PTBP2: variants seen among roughly 807,000 people sequenced by gnomAD.
The protein encoded by PTBP2 is polypyrimidine tract-binding protein 2.
Under a neutral mutation model 61.4 loss-of-function variants are expected in PTBP2, and 13 were observed. That is an observed-to-expected ratio of 0.21 (90% CI 0.14 to 0.34). PTBP2 has a LOEUF of 0.34. PTBP2 is among the 10% of genes least tolerant of loss of function. The pLI, the probability that PTBP2 is intolerant of heterozygous loss-of-function variation, is 1.00. For missense variants in PTBP2, 405 were observed against 642.6 expected, an observed-to-expected ratio of 0.63 and a Z score of 4.00; for synonymous variants, 215 against 218.5, an observed-to-expected ratio of 0.98 and a Z score of 0.14.
chr1:96,763,385 G>A (rs897089965), intron 3 of PTBP2, among the ~76,000 whole-genome samples: 2 of 152,164 alleles, frequency 1.3e-5, no homozygotes, highest in South Asian at 2.1e-4. Flanking sequence ...AGACCAGCCC[G>A]GCCAACACAG....
At chr1:96,725,071 C>T (rs971031915) in intron 2 of PTBP2, among the ~76,000 whole-genome samples, 4 of 152,112 alleles carry the variant, frequency 2.6e-5, no homozygotes, top group Non-Finnish European at 5.9e-5. Flanking sequence ...TTGAGTTAGT[C>T]ATGGGATTTA....
At chr1:96,749,943 A>G (rs1041392250) in intron 2 of PTBP2, among the ~76,000 whole-genome samples, 4 of 152,174 alleles carry the variant, frequency 2.6e-5, no homozygotes, top group Admixed American at 2.6e-4. Context: ...TTCTTAATAC[A>G]GTATTTTCTA....
intron 3 of PTBP2, among the ~76,000 whole-genome samples, chr1:96,754,521 G>A (rs1654937314): frequency 6.6e-6 from 1 of 152,102 alleles, no homozygotes; most frequent in Admixed American, 6.5e-5. Flanking sequence ...AAAATTCTAA[G>A]TGTAATCTCA....
chr1:96,773,149 G>GAA (rs1557737175), intron 5 of PTBP2, among the ~76,000 whole-genome samples: 5 of 139,964 alleles, frequency 3.6e-5, no homozygotes, highest in African/African-American at 1.3e-4. Context: ...AAAAAAAAGA[G>GAA]TAAAGCTGAG....
intron 8 of PTBP2, among the ~76,000 whole-genome samples, chr1:96,791,842 T>TTTTG (rs2101106216): frequency 7.1e-6 from 1 of 140,210 alleles, no homozygotes; most frequent in African/African-American, 2.7e-5. Context: ...TTTTTTTTTT[T>TTTTG]TTTTTTTGAG....
intron 3 of PTBP2, among the ~76,000 whole-genome samples, chr1:96,764,426 T>C (rs1656416852): frequency 6.6e-6 from 1 of 152,216 alleles, no homozygotes; most frequent in African/African-American, 2.4e-5. Context: ...TACAGTCTCT[T>C]TAATTTTCTA....
At chr1:96,819,700 T>A (rs1662615906), downstream of PTBP2, 1 of 151,542 alleles carries the variant, frequency 6.6e-6, no homozygotes, top group Non-Finnish European at 1.5e-5. Flanking sequence ...TGGGTTTTTT[T>A]TTTATTATTA....
intron 2 of PTBP2, among the ~76,000 whole-genome samples, chr1:96,737,136 C>T (rs1365172351): frequency 6.6e-6 from 1 of 152,002 alleles, no homozygotes; most frequent in East Asian, 1.9e-4. Flanking sequence ...CCTGCCACCA[C>T]ACCCGGCTAA....
intron 7 of PTBP2, among the ~76,000 whole-genome samples, chr1:96,782,838 A>C (rs1049624866): frequency 1.3e-5 from 2 of 152,010 alleles, no homozygotes; most frequent in Non-Finnish European, 2.9e-5. Context: ...GTCCATATGC[A>C]GTGTTTCATT....
chr1:96,721,979 G>A (rs1176409349), intron 1 of PTBP2, 107 bp downstream of exon 1: 7 of 1,457,616 alleles, frequency 4.8e-6, no homozygotes, highest in Non-Finnish European at 6.6e-6. Context: ...TCCCAGGGCT[G>A]GGCTGCCGTT....
At chr1:96,784,752 G>A (rs1659040927) in intron 7 of PTBP2, among the ~76,000 whole-genome samples, 1 of 151,968 alleles carries the variant, frequency 6.6e-6, no homozygotes, top group Admixed American at 6.5e-5. Flanking sequence ...CTTCCTGTTT[G>A]TGATCCTTAT....
chr1:96,725,588 T>TA lies in PTBP2; in HGVS notation c.39+2003dup, dbSNP rs201028366. On this transcript the variant is annotated intron_variant, in intron 2 of 13. Coordinates refer to ENST00000674951, the MANE Select transcript of PTBP2 (RefSeq NM_021190.4). ...TTGAGGAGAACACTTTAGAAGATGA[T>TA]AAAAAAAAATTGCAAATCGTTTTTA... is the stretch of plus-strand genomic sequence containing the variant. Among the ~76,000 whole-genome samples the TA allele has an allele frequency of 8.6e-5, 13 of 151,516 alleles. 1 individual carries two copies. The highest frequency in any genetic ancestry group is 3.4e-3 in the Middle Eastern group (1 of 294).
intron 2 of PTBP2, among the ~76,000 whole-genome samples, chr1:96,748,934 G>T (rs1043223905): frequency 6.6e-6 from 1 of 152,044 alleles, no homozygotes; most frequent in Non-Finnish European, 1.5e-5. Context: ...AGGCATAATT[G>T]CTTTTTTCAA....
intron 8 of PTBP2, among the ~76,000 whole-genome samples, chr1:96,799,293 G>GTTTTTTTTTTTTTTTTTTTTTTTTTTT (rs1557768004): frequency 1.1e-5 from 1 of 88,290 alleles, no homozygotes; most frequent in Non-Finnish European, 2.1e-5. Flanking sequence ...AATAGATCAA[G>GTTTTTTTTTTTTTTTTTTTTTTTTTTT]CTTTTTTTTT....
chr1:96,779,711 A>C (rs1054161884), intron 7 of PTBP2, among the ~76,000 whole-genome samples: 6 of 152,082 alleles, frequency 3.9e-5, no homozygotes, highest in Admixed American at 2.6e-4. Flanking sequence ...CTCACACTTC[A>C]CTTATTACAG....
At chr1:96,788,051 T>G (rs973176426) in intron 8 of PTBP2, among the ~76,000 whole-genome samples, 1 of 152,160 alleles carries the variant, frequency 6.6e-6, no homozygotes, top group Non-Finnish European at 1.5e-5. Flanking sequence ...CTTTTTCCCC[T>G]GCCAGCATAC....
intron 3 of PTBP2, among the ~76,000 whole-genome samples, chr1:96,760,440 CTTTT>C (rs989047792): frequency 2.4e-5 from 2 of 83,084 alleles, no homozygotes; most frequent in African/African-American, 5.4e-5. Flanking sequence ...AAATAGTTTG[CTTTT>C]TTTTTTTTTT....
chr1:96,790,365 C>G (rs754919906), intron 8 of PTBP2, among the ~76,000 whole-genome samples: 6 of 151,348 alleles, frequency 4.0e-5, no homozygotes, highest in Non-Finnish European at 5.9e-5. Flanking sequence ...TTTAATGATG[C>G]TTTAAGACTG....
At chr1:96,791,826 C>CTTTTTTTTTTTTTTTTTTTTTT (rs1163642886) in intron 8 of PTBP2, among the ~76,000 whole-genome samples, 5 of 66,128 alleles carry the variant, frequency 7.6e-5, no homozygotes, top group Non-Finnish European at 1.0e-4. Context: ...TGGAGTTGTG[C>CTTTTTTTTTTTTTTTTTTTTTT]TTTTTTTTTT....
Sources: gnomAD v4.1 joint callset for allele counts (sites outside exome capture counted in the v4.1 genomes callset) on GRCh38, gnomAD v4.1.1 for gene constraint, MANE v1.5 for transcripts, NCBI Gene and HGNC (gene_info 2026-07-23, HGNC 2026-07-21) for gene names.